Variants in ASTN2 observed in about 807,000 individuals in gnomAD.
ASTN2 encodes astrotactin-2.
A neutral mutation model predicts 139.8 loss-of-function variants in ASTN2; 54 were observed. The observed-to-expected ratio is 0.39, with a 90% CI of 0.31 to 0.48. The LOEUF is 0.48. ASTN2 is among the 20% of genes least tolerant of loss of function. ASTN2 has a pLI of 0.95. For missense variants in ASTN2, 1,565 were observed against 1,725.1 expected (o/e 0.91, Z 1.64); for synonymous variants, 756 against 719.5 (o/e 1.05, Z -0.81).
chr9:117,180,172 T>C (rs1401995336), intron 3 of ASTN2, among the ~76,000 whole-genome samples: 1 of 152,204 alleles, frequency 6.6e-6, no homozygotes, highest in Non-Finnish European at 1.5e-5. Context: ...TGCCACCATG[T>C]TAAATGATCT....
chr9:116,665,845 A>G (rs966504976), intron 16 of ASTN2, among the ~76,000 whole-genome samples: 4 of 152,226 alleles, frequency 2.6e-5, no homozygotes, highest in African/African-American at 9.6e-5. Flanking sequence ...ACTGAAACCA[A>G]AGCCAAACCA....
chr9:116,439,218 T>TTTTTTTTTTTTTTTTTTAA, intron 22 of ASTN2, among the ~76,000 whole-genome samples: 1 of 98,990 alleles, frequency 1.0e-5, no homozygotes, highest in Admixed American at 1.0e-4. Context: ...TTTTTTTTTT[T>TTTTTTTTTTTTTTTTTTAA]GAGACGGAGT....
At chr9:117,365,582 G>T (rs1829821066) in intron 1 of ASTN2, among the ~76,000 whole-genome samples, 1 of 152,116 alleles carries the variant, frequency 6.6e-6, no homozygotes, top group African/African-American at 2.4e-5. Flanking sequence ...AAATGCTCTG[G>T]TCCATGAGTG....
At chr9:116,606,153 C>T (rs531662513) in intron 19 of ASTN2, among the ~76,000 whole-genome samples, 59 of 152,250 alleles carry the variant, frequency 3.9e-4, no homozygotes, top group African/African-American at 1.3e-3. Context: ...GACAGATTAG[C>T]GTGCGGGGCA....
At chr9:116,739,340 C>G (rs1463335705) in intron 13 of ASTN2, among the ~76,000 whole-genome samples, 2 of 152,196 alleles carry the variant, frequency 1.3e-5, no homozygotes, top group African/African-American at 4.8e-5. Context: ...TGCCTACTTA[C>G]TCCTGCTGCC....
chr9:116,695,421 T>C (rs1014786656), intron 16 of ASTN2, among the ~76,000 whole-genome samples: 16 of 152,232 alleles, frequency 1.1e-4, no homozygotes, highest in Non-Finnish European at 1.6e-4. Context: ...TAATTGTGCA[T>C]GTCTGCTGCT....
chr9:116,831,786 T>A (rs1009914803), intron 11 of ASTN2, among the ~76,000 whole-genome samples: 1 of 152,188 alleles, frequency 6.6e-6, no homozygotes, highest in Non-Finnish European at 1.5e-5. Context: ...AGAAAAATCT[T>A]GTCTATACTT....
chr9:117,188,004 T>C (rs1572310), intron 3 of ASTN2, among the ~76,000 whole-genome samples: 93,022 of 151,812 alleles, frequency 0.61, 28,705 homozygotes, highest in Middle Eastern at 0.69. Context: ...GATAGATATT[T>C]TGAGGTGGGT....
chr9:116,860,855 A>T (rs1318128959), intron 11 of ASTN2, among the ~76,000 whole-genome samples: 2 of 152,228 alleles, frequency 1.3e-5, no homozygotes, highest in Non-Finnish European at 2.9e-5. Flanking sequence ...CTAAAAATAT[A>T]AGGAATTATC....
chr9:116,791,039 G>GAAAGAAAGAAAGAAAGAAAGA (rs1554746886), intron 13 of ASTN2, among the ~76,000 whole-genome samples: 1 of 82,104 alleles, frequency 1.2e-5, no homozygotes, highest in African/African-American at 4.1e-5. Flanking sequence ...AAGAAAGAAA[G>GAAAGAAAGAAAGAAAGAAAGA]AAAGAAAAGA....
At chr9:116,858,451 A>T (rs1394642782) in intron 11 of ASTN2, among the ~76,000 whole-genome samples, 1 of 152,206 alleles carries the variant, frequency 6.6e-6, no homozygotes. Flanking sequence ...AGGGGGCAGC[A>T]GTTACTTAGA....
intron 1 of ASTN2, among the ~76,000 whole-genome samples, chr9:117,409,415 G>A (rs1831099318): frequency 6.6e-6 from 1 of 152,216 alleles, no homozygotes. Flanking sequence ...CTGCAAGGAA[G>A]TGGGTCCATT....
chr9:116,707,725 T>G (rs1221931246), intron 16 of ASTN2, among the ~76,000 whole-genome samples: 1 of 152,102 alleles, frequency 6.6e-6, no homozygotes, highest in African/African-American at 2.4e-5. Context: ...ACAACCTAGG[T>G]TCCGAATTAA....
intron 10 of ASTN2, among the ~76,000 whole-genome samples, chr9:116,888,505 C>T (rs1833675590): frequency 6.6e-6 from 1 of 151,896 alleles, no homozygotes; most frequent in African/African-American, 2.4e-5. Context: ...TAAGCCTTCT[C>T]CAGAGGTTCT....
rs1313239655 is a variant in ASTN2, at chr9:117,064,581, T to C, written c.1277-24616A>G. 5.3e-5 allele frequency among the ~76,000 whole-genome samples: 8 copies of C among 152,250 alleles called. 1 individual carries two copies. Among genetic ancestry groups the C allele is most frequent in the Admixed American group, 2.6e-4 (4 of 15,294 alleles). ...AAGTCAAATACTTCCTCTTCTCACT[T>C]ATAAGTGGGAGCTAAACAATGTGTA... is the stretch of plus-strand genomic sequence containing the variant. On this transcript the variant is annotated intron_variant, in intron 5 of 22. Transcript: ENST00000313400.
chr9:116,938,382 C>T (rs1282045021), intron 10 of ASTN2, among the ~76,000 whole-genome samples: 1 of 152,028 alleles, frequency 6.6e-6, no homozygotes, highest in Non-Finnish European at 1.5e-5. Flanking sequence ...GAGACTTTTC[C>T]TTGTTACTCT....
chr9:117,286,805 C>CAGG (rs1179309981), intron 2 of ASTN2, among the ~76,000 whole-genome samples: 2 of 152,296 alleles, frequency 1.3e-5, no homozygotes, highest in East Asian at 3.9e-4. Context: ...GGAGTGAATA[C>CAGG]TCTATAAAAT....
chr9:116,729,915 G>A (rs1206781324), intron 14 of ASTN2, among the ~76,000 whole-genome samples: 1 of 152,112 alleles, frequency 6.6e-6, no homozygotes, highest in East Asian at 1.9e-4. Context: ...TGGAATTCAT[G>A]TTTTATAGAA....
At chr9:117,409,770 C>T (rs1831110855) in intron 1 of ASTN2, among the ~76,000 whole-genome samples, 1 of 152,188 alleles carries the variant, frequency 6.6e-6, no homozygotes, top group African/African-American at 2.4e-5. Flanking sequence ...CAAGTAGCCA[C>T]CACACTCAGC....
Sources: allele counts gnomAD v4.1 joint callset (sites outside exome capture counted in the v4.1 genomes callset), GRCh38; gene constraint gnomAD v4.1.1; transcripts MANE v1.5; gene names NCBI Gene and HGNC (gene_info 2026-07-23, HGNC 2026-07-21).